NCKAP5: variants seen among roughly 807,000 people sequenced by gnomAD.
NCKAP5 encodes the protein NCK associated protein 5.
A neutral mutation model predicts 167.0 loss-of-function variants in NCKAP5; 92 were observed. That is an observed-to-expected ratio of 0.55 (90% CI 0.47 to 0.66). The LOEUF (loss-of-function observed/expected upper bound fraction) is 0.66. NCKAP5 is among the 30% of genes least tolerant of loss of function. The pLI, the probability that NCKAP5 is intolerant of heterozygous loss-of-function variation, is 0.00. For synonymous variants in NCKAP5, 891 were observed against 877.4 expected (o/e 1.02, Z -0.27); for missense variants, 2,378 against 2,315.0 (o/e 1.03, Z -0.56).
chr2:133,505,038 G>A (rs1033163939), intron 3 of NCKAP5, among the ~76,000 whole-genome samples: 6 of 152,164 alleles, frequency 3.9e-5, no homozygotes, highest in Non-Finnish European at 7.3e-5. Context: ...ATGGTGCCTG[G>A]AGCAAGGAGA....
At chr2:132,833,494 G>C (rs1687665849) in intron 11 of NCKAP5, among the ~76,000 whole-genome samples, 1 of 151,680 alleles carries the variant, frequency 6.6e-6, no homozygotes, top group South Asian at 2.1e-4. Context: ...AGTAGTTTTG[G>C]GTCTTATGTT....
At chr2:133,148,021 G>A (rs1427927574) in intron 5 of NCKAP5, among the ~76,000 whole-genome samples, 1 of 152,028 alleles carries the variant, frequency 6.6e-6, no homozygotes, top group Non-Finnish European at 1.5e-5. Flanking sequence ...AAATGTAATT[G>A]AGCCTCTAAT....
At position 132,938,788 on chromosome 2, in the gene NCKAP5, G is replaced by C. The variant is rs569987325; in HGVS notation, c.579+24932C>G. Among the ~76,000 whole-genome samples the C allele has an allele frequency of 3.3e-5, 5 of 152,244 alleles. No homozygotes were observed. In the East Asian group the frequency reaches 7.7e-4, roughly 24 times the overall value. ...AAAGAAGGGGGAGAGAGGTGAGAAAGAGGGAGAGAGAAATGCCTCTCACTG... is the reference window on the plus strand; with the variant it reads ...AAAGAAGGGGGAGAGAGGTGAGAAACAGGGAGAGAGAAATGCCTCTCACTG... On this transcript the variant is annotated intron_variant, in intron 8 of 19. Transcript: ENST00000409261.
intron 15 of NCKAP5, among the ~76,000 whole-genome samples, chr2:132,776,747 A>C (rs1682585681): frequency 6.6e-6 from 1 of 152,238 alleles, no homozygotes; most frequent in African/African-American, 2.4e-5. Flanking sequence ...TTATTTTGGC[A>C]GCAGATTCCC....
the NCKAP5 span, among the ~76,000 whole-genome samples, chr2:133,663,979 AC>A: frequency 6.6e-6 from 1 of 152,150 alleles, no homozygotes; most frequent in East Asian, 1.9e-4. Flanking sequence ...CTTTAGTCTT[AC>A]AAATTGTATT....
intron 4 of NCKAP5, among the ~76,000 whole-genome samples, chr2:133,271,665 G>A (rs1321024676): frequency 1.3e-5 from 2 of 152,208 alleles, no homozygotes; most frequent in African/African-American, 4.8e-5. Context: ...TAGATTGAAA[G>A]AGACGTGACA....
the NCKAP5 span, among the ~76,000 whole-genome samples, chr2:133,581,372 A>T: frequency 6.6e-6 from 1 of 152,116 alleles, no homozygotes; most frequent in East Asian, 1.9e-4. Context: ...AGTGAAGAAC[A>T]TGCTGGCTAA....
At chr2:132,735,316 A>G (rs1042730891) in intron 16 of NCKAP5, among the ~76,000 whole-genome samples, 1 of 152,146 alleles carries the variant, frequency 6.6e-6, no homozygotes, top group African/African-American at 2.4e-5. Context: ...TCCATCATTC[A>G]TGACTTAGTG....
At chr2:133,367,327 A>G (rs1685515829) in intron 3 of NCKAP5, among the ~76,000 whole-genome samples, 1 of 152,216 alleles carries the variant, frequency 6.6e-6, no homozygotes. Context: ...AGGACCCAGC[A>G]GACGGGAGCT....
At chr2:133,560,674 G>C (rs1688091986) in intron 1 of NCKAP5, among the ~76,000 whole-genome samples, 1 of 152,152 alleles carries the variant, frequency 6.6e-6, no homozygotes, top group African/African-American at 2.4e-5. Context: ...CTGTTTCCTT[G>C]ACTGGAAAGT....
At chr2:133,113,292 A>G (rs2081974508) in intron 6 of NCKAP5, among the ~76,000 whole-genome samples, 1 of 151,972 alleles carries the variant, frequency 6.6e-6, no homozygotes, top group South Asian at 2.1e-4. Flanking sequence ...TGCTAAATAT[A>G]TTTTGAGAGC....
intron 3 of NCKAP5, among the ~76,000 whole-genome samples, chr2:133,516,781 T>C (rs1469931216): frequency 6.6e-6 from 1 of 152,210 alleles, no homozygotes; most frequent in Admixed American, 6.5e-5. Context: ...CTATTTCAAG[T>C]TTGCTTGATT....
the NCKAP5 span, among the ~76,000 whole-genome samples, chr2:133,670,518 A>T: frequency 6.6e-6 from 1 of 152,204 alleles, no homozygotes; most frequent in Non-Finnish European, 1.5e-5. Flanking sequence ...TCGAGAAAAC[A>T]TATATTCCAT....
Position 133,126,452 on chromosome 2 carries a change from C to T in NCKAP5, c.341+3526G>A, listed in dbSNP as rs11893628. 9.4e-3 allele frequency among the ~76,000 whole-genome samples: 1,437 copies of T among 152,228 alleles called. 28 individuals carry two copies. Among genetic ancestry groups the T allele is most frequent in the African/African-American group, 0.033 (1,385 of 41,550 alleles). On this transcript the variant is annotated intron_variant, in intron 6 of 19. Transcript: ENST00000409261. ...CTGAGAACTTTAAGCACCAGAGTAC[C>T]GGAGTAGTTCCTATTTCACTTGTGA...
At chr2:133,464,653 G>A (rs1326783967) in intron 3 of NCKAP5, among the ~76,000 whole-genome samples, 1 of 152,234 alleles carries the variant, frequency 6.6e-6, no homozygotes, top group East Asian at 1.9e-4. Context: ...TCCCACCACT[G>A]CACTCCAGCC....
At chr2:132,910,082 A>T (rs1483665398) in intron 8 of NCKAP5, among the ~76,000 whole-genome samples, 2 of 152,214 alleles carry the variant, frequency 1.3e-5, no homozygotes, top group Non-Finnish European at 2.9e-5. Context: ...TTCTGATACC[A>T]GCAACCATAA....
At chr2:133,322,634 A>G (rs1452924744) in intron 3 of NCKAP5, among the ~76,000 whole-genome samples, 2 of 152,196 alleles carry the variant, frequency 1.3e-5, no homozygotes, top group African/African-American at 4.8e-5. Flanking sequence ...CTTTCTAGTA[A>G]TTTTCACCAC....
intron 8 of NCKAP5, among the ~76,000 whole-genome samples, chr2:132,896,035 T>G (rs1184659510): frequency 6.6e-6 from 1 of 152,156 alleles, no homozygotes; most frequent in African/African-American, 2.4e-5. Flanking sequence ...CTCAGGAGGC[T>G]GAGGCAGGAG....
At chr2:133,366,736 T>C (rs1053375013) in intron 3 of NCKAP5, among the ~76,000 whole-genome samples, 2 of 152,234 alleles carry the variant, frequency 1.3e-5, no homozygotes, top group Admixed American at 1.3e-4. Flanking sequence ...TAAATAGTTA[T>C]TTTTGATTTA....
Sources: allele counts gnomAD v4.1 joint callset (sites outside exome capture counted in the v4.1 genomes callset), GRCh38; gene constraint gnomAD v4.1.1; transcripts MANE v1.5; gene names NCBI Gene and HGNC (gene_info 2026-07-23, HGNC 2026-07-21).